The following COL5A2 variants were observed in gnomAD, a reference collection of about 807,000 sequenced individuals.
COL5A2 encodes the protein collagen type V alpha 2 chain.
COL5A2 carries 23 observed loss-of-function variants against 208.2 expected under a neutral mutation model. The ratio of observed to expected loss-of-function variants is 0.11; its 90% CI spans 0.08 to 0.16. The LOEUF is 0.16. COL5A2 is among the 10% of genes least tolerant of loss of function. The pLI is 1.00. For missense variants in COL5A2, 1,590 were observed against 1,956.4 expected, an observed-to-expected ratio of 0.81 and a Z score of 3.53; for synonymous variants, 625 against 628.5, an observed-to-expected ratio of 0.99 and a Z score of 0.08.
At chr2:189,095,439 T>C (rs58258584) in intron 6 of COL5A2, among the ~76,000 whole-genome samples, 2,346 of 152,162 alleles carry the variant, frequency 0.015, 24 homozygotes, top group Non-Finnish European at 0.02. Context: ...GCCAGGGTTG[T>C]CTCACTTGAT....
intron 37 of COL5A2, 85 bp from the exon 38 acceptor site, chr2:189,053,562 T>C: frequency 2.5e-6 from 3 of 1,183,510 alleles, no homozygotes; most frequent in East Asian, 2.4e-5. Flanking sequence ...ATAAATCTGA[T>C]AGTTAGACAT....
chr2:189,155,457 A>G (rs1258043678), intron 1 of COL5A2, among the ~76,000 whole-genome samples: 1 of 152,168 alleles, frequency 6.6e-6, no homozygotes, highest in Admixed American at 6.5e-5. Context: ...CCAGAACAGC[A>G]CTGTCCAAGA....
At chr2:189,349,325 A>G in the COL5A2 span, among the ~76,000 whole-genome samples, 1 of 152,188 alleles carries the variant, frequency 6.6e-6, no homozygotes, top group Non-Finnish European at 1.5e-5. Context: ...CTGAAAATTA[A>G]AAGTGACAAA....
chr2:189,267,390 C>T, the COL5A2 span, among the ~76,000 whole-genome samples: 29 of 152,136 alleles, frequency 1.9e-4, no homozygotes, highest in South Asian at 2.1e-3. Flanking sequence ...GGGTGTTCAT[C>T]GCTACATATT....
the COL5A2 span, among the ~76,000 whole-genome samples, chr2:189,266,579 T>C: frequency 1.3e-5 from 2 of 152,122 alleles, no homozygotes; most frequent in East Asian, 1.9e-4. Context: ...AATATCTAGA[T>C]ACAGAAAGTA....
chr2:189,239,119 C>T, the COL5A2 span, among the ~76,000 whole-genome samples: 1 of 152,156 alleles, frequency 6.6e-6, no homozygotes, highest in South Asian at 2.1e-4. Flanking sequence ...AAAGGAACTA[C>T]CAGATATTCA....
the COL5A2 span, among the ~76,000 whole-genome samples, chr2:189,237,643 A>C: frequency 1.3e-5 from 2 of 151,874 alleles, no homozygotes; most frequent in African/African-American, 4.8e-5. Context: ...ATAATTGCTG[A>C]TATTATAGTG....
chr2:189,157,530 T>C lies in COL5A2; in HGVS notation c.97+21978A>G, dbSNP rs546540494. On this transcript the variant is annotated intron_variant, in intron 1 of 53. Transcript: ENST00000374866. Reference sequence around the variant, plus strand: ...CTGTTATCTTCTAGAGAAGGTGATATTTCACTACTCTGCAAACCTGACTGG... The same window carrying C: ...CTGTTATCTTCTAGAGAAGGTGATACTTCACTACTCTGCAAACCTGACTGG... Among the ~76,000 whole-genome samples, 20 of 152,100 alleles carry C rather than the reference T, an allele frequency of 1.3e-4. 1 individual carries two copies. In the South Asian group the frequency reaches 4.1e-3, roughly 32 times the overall value.
chr2:189,299,869 TA>T, the COL5A2 span, among the ~76,000 whole-genome samples: 14 of 152,050 alleles, frequency 9.2e-5, no homozygotes, highest in East Asian at 2.1e-3. Context: ...CATGACATCT[TA>T]AAAAAAATAG....
At chr2:189,138,089 C>T (rs1045379535) in intron 1 of COL5A2, among the ~76,000 whole-genome samples, 1 of 152,120 alleles carries the variant, frequency 6.6e-6, no homozygotes, top group Non-Finnish European at 1.5e-5. Flanking sequence ...ATTCTCCTGC[C>T]TCAGCCTCCT....
the COL5A2 span, among the ~76,000 whole-genome samples, chr2:189,412,246 CGTGAA>C: frequency 6.6e-6 from 1 of 151,944 alleles, no homozygotes; most frequent in African/African-American, 2.4e-5. Context: ...TCCTAACGTT[CGTGAA>C]ATGTTTATAG....
the COL5A2 span, among the ~76,000 whole-genome samples, chr2:189,402,771 T>C: frequency 5.4e-5 from 8 of 147,332 alleles, no homozygotes; most frequent in African/African-American, 2.0e-4. Context: ...CTTGTAGCAG[T>C]ACCATGCTCT....
the COL5A2 span, among the ~76,000 whole-genome samples, chr2:189,382,850 G>A: frequency 1.6e-4 from 24 of 152,246 alleles, no homozygotes; most frequent in East Asian, 3.9e-3. Context: ...CACAAGGGTG[G>A]GGAGAGTGTA....
At position 189,212,884 on chromosome 2, in the gene COL5A2, TAC is replaced by T. The variant is rs1491133816; in HGVS notation, c.-42+12262_-42+12263del. Among the ~76,000 whole-genome samples, 118 of 117,708 alleles carry T rather than the reference TAC, an allele frequency of 1.0e-3. 1 individual carries two copies. The highest frequency in any genetic ancestry group is 3.5e-3 in the African/African-American group (109 of 31,212). The allele number at this position is 117,708 out of a possible 152,430, so 77.2% of individuals were successfully genotyped here. ...TGTTAAATATATATATATATATATA[TAC>T]ACACATATATATATTTTTGGAGATG... On this transcript the variant is annotated intron_variant, in intron 1 of 10. Coordinates refer to the COL5A2 transcript ENST00000649966.
At chr2:189,167,051 A>C (rs1317541355) in intron 1 of COL5A2, among the ~76,000 whole-genome samples, 1 of 152,214 alleles carries the variant, frequency 6.6e-6, no homozygotes, top group Non-Finnish European at 1.5e-5. Flanking sequence ...CCAATCCTGA[A>C]AAATGCCTTT....
chr2:189,412,403 G>T, the COL5A2 span, among the ~76,000 whole-genome samples: 33 of 152,254 alleles, frequency 2.2e-4, 1 homozygote, highest in African/African-American at 7.9e-4. Context: ...TTTATATTAA[G>T]AAATACTCAT....
the COL5A2 span, among the ~76,000 whole-genome samples, chr2:189,437,993 A>C: frequency 6.6e-6 from 1 of 151,864 alleles, no homozygotes; most frequent in African/African-American, 2.4e-5. Context: ...TTTATTAAAT[A>C]AAAAATAAAT....
chr2:189,156,100 TAA>T (rs1166754593), intron 1 of COL5A2, among the ~76,000 whole-genome samples: 3 of 152,196 alleles, frequency 2.0e-5, no homozygotes, highest in African/African-American at 7.2e-5. Flanking sequence ...ATCTGTATTT[TAA>T]AATTAGCTGA....
intron 2 of COL5A2, among the ~76,000 whole-genome samples, chr2:189,105,883 A>G (rs1255236449): frequency 1.3e-5 from 2 of 151,454 alleles, no homozygotes; most frequent in Non-Finnish European, 3.0e-5. Context: ...TTGCCTAGCC[A>G]TTCCAACAAG....
Sources: gnomAD v4.1 joint callset for allele counts (sites outside exome capture counted in the v4.1 genomes callset) on GRCh38, gnomAD v4.1.1 for gene constraint, MANE v1.5 for transcripts, NCBI Gene and HGNC (gene_info 2026-07-23, HGNC 2026-07-21) for gene names.